GLIS3: variants seen among roughly 807,000 people sequenced by gnomAD.
The protein encoded by GLIS3 is zinc finger protein GLIS3.
Under a neutral mutation model 78.6 loss-of-function variants are expected in GLIS3, and 53 were observed. That is an observed-to-expected ratio of 0.67 (90% CI 0.54 to 0.85). GLIS3 has a LOEUF of 0.85. Ranked by LOEUF, GLIS3 falls within the 40% of genes least tolerant of loss-of-function variation. GLIS3 has a pLI of 0.00. For synonymous variants in GLIS3, 684 were observed against 509.9 expected, an observed-to-expected ratio of 1.34 and a Z score of -4.60; for missense variants, 1,703 against 1,231.1, an observed-to-expected ratio of 1.38 and a Z score of -5.74.
chr9:4,310,757 T>G (rs941076779), intron 2 of GLIS3, among the ~76,000 whole-genome samples: 5 of 152,136 alleles, frequency 3.3e-5, no homozygotes, highest in Admixed American at 1.3e-4. Context: ...GAGGATTTTT[T>G]GGGAAGGTGA....
intron 4 of GLIS3, among the ~76,000 whole-genome samples, chr9:4,098,986 C>A (rs544767246): frequency 6.6e-6 from 1 of 152,276 alleles, no homozygotes; most frequent in Non-Finnish European, 1.5e-5. Context: ...TGACACATAA[C>A]AGACCAGAAT....
At chr9:4,349,803 A>G (rs1341869693), upstream of GLIS3, among the ~76,000 whole-genome samples, 1 of 152,256 alleles carries the variant, frequency 6.6e-6, no homozygotes, top group Admixed American at 6.5e-5. Flanking sequence ...ACCTAAATTC[A>G]TGGTGGCAAG....
At position 4,167,881 on chromosome 9, in the gene GLIS3, T is replaced by C. The variant is rs140594064; in HGVS notation, c.389-41940A>G. ...CTATTCCGAAGTGTTTGTTTCAAGG[T>C]GCCACTTTCGGTCTGATTACTCCTC... is the stretch of plus-strand genomic sequence containing the variant. On this transcript the variant is annotated intron_variant, in intron 2 of 10. Coordinates refer to ENST00000381971, the MANE Select transcript of GLIS3 (RefSeq NM_001042413.2). Among the ~76,000 whole-genome samples the C allele has an allele frequency of 8.5e-3, 1,296 of 152,246 alleles. 19 individuals carry two copies. Among genetic ancestry groups the C allele is most frequent in the African/African-American group, 0.029 (1,223 of 41,520 alleles).
chr9:4,183,192 G>A (rs1436134948), intron 2 of GLIS3, among the ~76,000 whole-genome samples: 2 of 152,308 alleles, frequency 1.3e-5, no homozygotes, highest in East Asian at 1.9e-4. Flanking sequence ...GAAACAGGCT[G>A]AAGCCAGGTG....
At chr9:3,830,607 GA>G (rs1040547252) in intron 9 of GLIS3, among the ~76,000 whole-genome samples, 2 of 151,944 alleles carry the variant, frequency 1.3e-5, no homozygotes, top group African/African-American at 2.4e-5. Context: ...GGTTTTGATG[GA>G]AAAAAAGGGA....
At chr9:4,122,858 G>C (rs902112967) in intron 3 of GLIS3, among the ~76,000 whole-genome samples, 1 of 152,162 alleles carries the variant, frequency 6.6e-6, no homozygotes, top group Non-Finnish European at 1.5e-5. Context: ...TATATACAAT[G>C]GCCTCTGTAT....
chr9:4,259,577 C>A (rs923489304), intron 2 of GLIS3, among the ~76,000 whole-genome samples: 1 of 152,204 alleles, frequency 6.6e-6, no homozygotes, highest in African/African-American at 2.4e-5. Flanking sequence ...CCTATCCCTT[C>A]GTCCTCAGGG....
At chr9:3,854,032 G>A (rs796976608) in intron 9 of GLIS3, among the ~76,000 whole-genome samples, 6 of 152,304 alleles carry the variant, frequency 3.9e-5, no homozygotes, top group African/African-American at 1.4e-4. Flanking sequence ...ATGTGAAGGT[G>A]AAGAATTTGT....
intron 8 of GLIS3, among the ~76,000 whole-genome samples, chr9:3,866,879 AGAT>A (rs1820624660): frequency 6.6e-6 from 1 of 152,104 alleles, no homozygotes; most frequent in Admixed American, 6.5e-5. Flanking sequence ...GGATGAGGGT[AGAT>A]GATCACAGGT....
At chr9:4,267,945 C>CGCGTG in intron 2 of GLIS3, among the ~76,000 whole-genome samples, 1 of 122,762 alleles carries the variant, frequency 8.1e-6, no homozygotes, top group South Asian at 2.3e-4. Flanking sequence ...ATAAAAATAC[C>CGCGTG]TGTGTGTGTG....
At chr9:3,935,929 A>G (rs991380453) in intron 5 of GLIS3, among the ~76,000 whole-genome samples, 3 of 152,238 alleles carry the variant, frequency 2.0e-5, no homozygotes, top group Non-Finnish European at 4.4e-5. Flanking sequence ...TCTGTTTAGA[A>G]AGGTTATGTG....
chr9:4,223,907 G>A lies in GLIS3; in HGVS notation c.388+62131C>T, dbSNP rs192376122. Among the ~76,000 whole-genome samples, 742 of 151,804 alleles carry A rather than the reference G, an allele frequency of 4.9e-3. 3 individuals are homozygous for A. The highest frequency in any genetic ancestry group is 0.017 in the African/African-American group (715 of 41,406). The stretch of plus-strand genomic sequence containing the variant: ...AATAAATTTCTGATCCAATTTCACT[G>A]TTGTTCCTACAGTGAAAACAAAACA... On this transcript the variant is annotated intron_variant, in intron 2 of 10. Transcript: ENST00000381971.
chr9:3,851,729 C>T (rs1374932946), intron 9 of GLIS3, among the ~76,000 whole-genome samples: 2 of 151,836 alleles, frequency 1.3e-5, no homozygotes, highest in Non-Finnish European at 2.9e-5. Flanking sequence ...TGTAACCCTT[C>T]ATAGCTCTCT....
chr9:4,486,002 G>A, the GLIS3 span, among the ~76,000 whole-genome samples: 3 of 152,192 alleles, frequency 2.0e-5, no homozygotes, highest in African/African-American at 4.8e-5. Context: ...GATTACAGGC[G>A]TGAGCCGCCG....
At chr9:4,463,014 TC>T in the GLIS3 span, among the ~76,000 whole-genome samples, 2 of 152,172 alleles carry the variant, frequency 1.3e-5, no homozygotes, top group African/African-American at 4.8e-5. Context: ...CCAACAATCT[TC>T]CTGGCATTTT....
chr9:4,050,350 G>T (rs548125337), intron 4 of GLIS3, among the ~76,000 whole-genome samples: 1 of 152,066 alleles, frequency 6.6e-6, no homozygotes, highest in Admixed American at 6.6e-5. Flanking sequence ...CGCAAGGACA[G>T]AAAACCAAAC....
At chr9:3,862,463 T>C (rs1377709266) in intron 8 of GLIS3, among the ~76,000 whole-genome samples, 1 of 152,220 alleles carries the variant, frequency 6.6e-6, no homozygotes, top group Non-Finnish European at 1.5e-5. Flanking sequence ...ATAACTTCTT[T>C]CGGGTAGGGC....
chr9:4,332,889 G>A (rs1001335587), intron 2 of GLIS3, among the ~76,000 whole-genome samples: 2 of 152,062 alleles, frequency 1.3e-5, no homozygotes, highest in Non-Finnish European at 2.9e-5. Context: ...TGGGATGGGT[G>A]GTATTATTGT....
At chr9:4,463,957 C>T in the GLIS3 span, among the ~76,000 whole-genome samples, 8 of 151,844 alleles carry the variant, frequency 5.3e-5, no homozygotes, top group East Asian at 1.3e-3. Context: ...AAAAATACTT[C>T]GAAGAAAAAA....
Sources: allele counts gnomAD v4.1 joint callset (sites outside exome capture counted in the v4.1 genomes callset), GRCh38; gene constraint gnomAD v4.1.1; transcripts MANE v1.5; gene names NCBI Gene and HGNC (gene_info 2026-07-23, HGNC 2026-07-21).